SYN3: variants seen among roughly 807,000 people sequenced by gnomAD.
SYN3 encodes synapsin III.
In SYN3, 35 loss-of-function variants were observed where a neutral mutation model predicts 65.8. That is an observed-to-expected ratio of 0.53 (90% confidence interval 0.41 to 0.70). SYN3 has a LOEUF of 0.70. Among genes scored for constraint, SYN3 ranks in the 30% least tolerant of loss-of-function variants. SYN3 has a pLI of 0.00. For synonymous variants in SYN3, 270 were observed against 292.9 expected (o/e 0.92, Z 0.80); for missense variants, 680 against 749.0 (o/e 0.91, Z 1.08).
chr22:32,518,447 T>C, intron 12 of SYN3, 113 bp from the exon 13 acceptor site: 1 of 1,257,256 alleles, frequency 8.0e-7, no homozygotes, highest in Non-Finnish European at 1.1e-6. Flanking sequence ...CTTATAATGG[T>C]GAAAAACTGA....
chr22:32,941,443 A>G (rs1025422175), intron 3 of SYN3, among the ~76,000 whole-genome samples: 1 of 152,178 alleles, frequency 6.6e-6, no homozygotes, highest in African/African-American at 2.4e-5. Flanking sequence ...TAGCCAGTGC[A>G]TTTTTAAAAA....
chr22:32,697,296 A>G (rs1232062105), intron 6 of SYN3, among the ~76,000 whole-genome samples: 1 of 152,230 alleles, frequency 6.6e-6, no homozygotes, highest in Admixed American at 6.5e-5. Context: ...GATCACTGGA[A>G]TCCAACAGAC....
intron 6 of SYN3, among the ~76,000 whole-genome samples, chr22:32,627,136 G>A (rs938547227): frequency 6.8e-6 from 1 of 147,572 alleles, no homozygotes; most frequent in Non-Finnish European, 1.5e-5. Flanking sequence ...TTGTGTAAGT[G>A]GGGGGTGGCA....
chr22:32,692,678 C>T (rs1296555827), intron 6 of SYN3, among the ~76,000 whole-genome samples: 1 of 152,176 alleles, frequency 6.6e-6, no homozygotes, highest in African/African-American at 2.4e-5. Context: ...GTGTCACTCG[C>T]TCTTCTGAAG....
Position 32,510,310 on chromosome 22 carries a change from C to T in SYN3, c.*3382G>A, listed in dbSNP as rs140363030. Among the ~76,000 whole-genome samples the T allele has an allele frequency of 5.3e-5, 8 of 152,320 alleles. No homozygotes were observed. The highest frequency in any genetic ancestry group is 9.6e-5 in the African/African-American group (4 of 41,578). On this transcript the variant is annotated 3_prime_UTR_variant, in exon 14 of 14. Coordinates refer to ENST00000358763, the MANE Select transcript of SYN3 (RefSeq NM_003490.4). ...GTTCTGGGTCCTGTGACCAGAAATT[C>T]GGACTCCTTTAGTCCGACATGAAGC...
intron 7 of SYN3, among the ~76,000 whole-genome samples, chr22:32,550,191 C>T (rs2058391800): frequency 6.6e-6 from 1 of 152,090 alleles, no homozygotes; most frequent in African/African-American, 2.4e-5. Context: ...GAAGGCTGAG[C>T]ACGTGGATCT....
At chr22:32,968,448 G>A (rs915625863) in intron 3 of SYN3, among the ~76,000 whole-genome samples, 2 of 152,150 alleles carry the variant, frequency 1.3e-5, no homozygotes, top group African/African-American at 4.8e-5. Context: ...CACGGTCACA[G>A]CACTCCATGG....
chr22:32,908,518 A>G (rs1415399537), intron 4 of SYN3, among the ~76,000 whole-genome samples: 3 of 151,784 alleles, frequency 2.0e-5, no homozygotes, highest in Non-Finnish European at 4.4e-5. Flanking sequence ...CAGCCTCCCA[A>G]GTAGCTGGAA....
intron 6 of SYN3, among the ~76,000 whole-genome samples, chr22:32,647,097 T>C (rs932439940): frequency 1.3e-5 from 2 of 152,172 alleles, no homozygotes; most frequent in African/African-American, 4.8e-5. Flanking sequence ...TCACCTGTTT[T>C]ATGTGTCTGG....
intron 6 of SYN3, among the ~76,000 whole-genome samples, chr22:32,721,178 G>A (rs540032874): frequency 2.1e-4 from 32 of 152,242 alleles, no homozygotes; most frequent in South Asian, 2.1e-4. Flanking sequence ...ACATTCCTTC[G>A]GCTCCTTTTA....
chr22:32,954,416 G>C (rs2051384111), intron 3 of SYN3, among the ~76,000 whole-genome samples: 1 of 144,826 alleles, frequency 6.9e-6, no homozygotes, highest in South Asian at 2.1e-4. Flanking sequence ...CAGTGGATAG[G>C]GCAAATGTTC....
chr22:32,672,380 T>C (rs1320716093), intron 6 of SYN3, among the ~76,000 whole-genome samples: 1 of 152,140 alleles, frequency 6.6e-6, no homozygotes, highest in East Asian at 1.9e-4. Context: ...ATGCATGGTA[T>C]GTTTTGGTTT....
intron 7 of SYN3, chr22:32,584,169 C>G (rs1451234186): frequency 2.0e-5 from 3 of 152,242 alleles, no homozygotes; most frequent in Admixed American, 6.5e-5. Flanking sequence ...CCTTGTTTGG[C>G]TGCCGTATGA....
intron 6 of SYN3, among the ~76,000 whole-genome samples, chr22:32,760,394 C>T (rs947710082): frequency 1.3e-5 from 2 of 152,076 alleles, no homozygotes; most frequent in Non-Finnish European, 2.9e-5. Flanking sequence ...AGTTATGCTG[C>T]TAAATCTCGT....
intron 6 of SYN3, among the ~76,000 whole-genome samples, chr22:32,642,780 ACTC>A (rs2059922094): frequency 6.6e-6 from 1 of 151,766 alleles, no homozygotes; most frequent in Non-Finnish European, 1.5e-5. Flanking sequence ...GCTGTCTCGA[ACTC>A]CTAAGCTCAA....
At chr22:32,939,985 C>G (rs1310918697) in intron 3 of SYN3, among the ~76,000 whole-genome samples, 1 of 152,196 alleles carries the variant, frequency 6.6e-6, no homozygotes, top group East Asian at 1.9e-4. Context: ...ATGAGAATTA[C>G]AGTTGCTCTG....
chr22:32,694,040 G>T (rs1263064513), intron 6 of SYN3, among the ~76,000 whole-genome samples: 2 of 151,430 alleles, frequency 1.3e-5, no homozygotes, highest in African/African-American at 4.9e-5. Flanking sequence ...TTATATTTTT[G>T]AAGTTTCTGT....
chr22:32,971,885 C>G (rs970857214), intron 3 of SYN3, among the ~76,000 whole-genome samples: 2 of 152,204 alleles, frequency 1.3e-5, no homozygotes, highest in African/African-American at 4.8e-5. Context: ...ATTTGGGCCA[C>G]ACAGCCGTCT....
chr22:32,606,127 C>T (rs757681511), intron 6 of SYN3, among the ~76,000 whole-genome samples: 60 of 152,306 alleles, frequency 3.9e-4, no homozygotes, highest in Middle Eastern at 3.4e-3. Flanking sequence ...ATCTCCTCCA[C>T]ATCTATGATC....
Sources: gnomAD v4.1 joint callset for allele counts (sites outside exome capture counted in the v4.1 genomes callset) on GRCh38, gnomAD v4.1.1 for gene constraint, MANE v1.5 for transcripts, NCBI Gene and HGNC (gene_info 2026-07-23, HGNC 2026-07-21) for gene names.